The following DCBLD2 variants were observed in gnomAD, a reference collection of about 807,000 sequenced individuals.
The protein encoded by DCBLD2 is discoidin, CUB and LCCL domain containing 2, also known as discoidin, CUB and LCCL domain-containing protein 2.
In DCBLD2, 54 loss-of-function variants were observed where a neutral mutation model predicts 86.8. The ratio of observed to expected loss-of-function variants is 0.62; its 90% CI spans 0.50 to 0.78. The LOEUF is 0.78. Among genes scored for constraint, DCBLD2 ranks in the 30% least tolerant of loss-of-function variants. The pLI is 0.00. For synonymous variants in DCBLD2, 354 were observed against 341.3 expected (o/e 1.04, Z -0.41); for missense variants, 908 against 954.2 (o/e 0.95, Z 0.64).
chr3:98,825,478 A>C, intron 3 of DCBLD2, 112 bp from the exon 4 acceptor site: 3 of 767,264 alleles, frequency 3.9e-6, no homozygotes, highest in Non-Finnish European at 6.2e-6. Flanking sequence ...AAAAATCTCA[A>C]TGGCACTGTC....
At chr3:98,867,418 C>T (rs1943172139) in intron 2 of DCBLD2, among the ~76,000 whole-genome samples, 1 of 152,188 alleles carries the variant, frequency 6.6e-6, no homozygotes, top group Non-Finnish European at 1.5e-5. Flanking sequence ...AGGTCCTTCA[C>T]AGCCCTTGTA....
At chr3:98,808,654 G>A (rs1034483024) in intron 12 of DCBLD2, among the ~76,000 whole-genome samples, 7 of 152,000 alleles carry the variant, frequency 4.6e-5, no homozygotes, top group Non-Finnish European at 1.0e-4. Flanking sequence ...CACAAAAAAA[G>A]TTAAAACAAC....
chr3:98,804,662 C>G (rs1220792884), intron 13 of DCBLD2, among the ~76,000 whole-genome samples: 2 of 152,190 alleles, frequency 1.3e-5, no homozygotes, highest in African/African-American at 4.8e-5. Context: ...AACTTTCCTG[C>G]TTTCTCTTGT....
chr3:98,839,119 T>TTC (rs796822399), intron 3 of DCBLD2, among the ~76,000 whole-genome samples: 2,738 of 83,994 alleles, frequency 0.033, 43 homozygotes, highest in African/African-American at 0.051. Flanking sequence ...CTTTCTTTCT[T>TTC]TTTCTTTCTT....
At chr3:98,800,942 G>C (rs897217145) in intron 14 of DCBLD2, among the ~76,000 whole-genome samples, 1 of 150,320 alleles carries the variant, frequency 6.7e-6, no homozygotes, top group African/African-American at 2.5e-5. Context: ...GCAAATCACT[G>C]TTAGTATAGT....
chr3:98,825,266 A>C lies in DCBLD2; in HGVS notation c.623+49T>G. 4 of 1,341,768 alleles carry C rather than the reference A, an allele frequency of 3.0e-6. No homozygotes were observed. In the South Asian group the frequency reaches 5.8e-5, roughly 20 times the overall value. The allele number at this position is 1,341,768 out of a possible 1,614,324, so 83.1% of individuals were successfully genotyped here. ...AATGAAAATGAAGAAGTGAATGAAA[A>C]GTAACATTTAAGCAAAAAAAAAAAA... is the stretch of plus-strand genomic sequence containing the variant. On this transcript the variant is annotated intron_variant, in intron 4 of 15. Transcript: ENST00000326840.
intron 4 of DCBLD2, among the ~76,000 whole-genome samples, chr3:98,824,133 G>T (rs557696334): frequency 6.6e-6 from 1 of 152,300 alleles, no homozygotes; most frequent in South Asian, 2.1e-4. Flanking sequence ...GGTAATGCAG[G>T]AGCCTTGTGG....
In DCBLD2 at chr3:98,881,561, C is replaced by T; in HGVS notation, c.412G>A (p.Gly138Arg). ...FNYLRIYNGI[G>R]VSRTEIGKYC... Reference sequence around the variant, plus strand: ...CTACCTATTTCAGTTCTGCTGACTCCAATTCCATTATAAATTCTCAAGTAA... The same window carrying T: ...CTACCTATTTCAGTTCTGCTGACTCTAATTCCATTATAAATTCTCAAGTAA... The change falls in exon 2 of 16, where the codon GGA becomes AGA. Residue 138 changes from glycine (G) to arginine (R), a missense_variant. By Grantham distance (125) the Gly-to-Arg change is moderately radical. Around this residue, in one of 3 missense-constraint regions of DCBLD2, gnomAD observed 294 missense variants for 256.0 expected, o/e 1.15. Transcript: ENST00000326840. 1 of 1,613,842 alleles carries T rather than the reference C, an allele frequency of 6.2e-7. No homozygotes were observed. The highest frequency in any genetic ancestry group is 8.5e-7 in the Non-Finnish European group (1 of 1,179,852).
intron 3 of DCBLD2, among the ~76,000 whole-genome samples, chr3:98,831,549 T>G (rs1942323132): frequency 6.6e-6 from 1 of 152,192 alleles, no homozygotes; most frequent in African/African-American, 2.4e-5. Flanking sequence ...GTTGTGATGT[T>G]AGGTTAATTT....
In DCBLD2 at chr3:98,797,291, C is replaced by G. The variant is rs1432973808; in HGVS notation, c.*2081G>C. 5 of 148,816 alleles carry G rather than the reference C, an allele frequency of 3.4e-5. No individual in the cohort carries two copies. Among genetic ancestry groups the G allele is most frequent in the Non-Finnish European group, 6.0e-5 (4 of 67,064 alleles). 9.2% of individuals were successfully genotyped at this position (148,816 alleles called of 1,614,324 possible). On this transcript the variant is annotated 3_prime_UTR_variant, in exon 16 of 16. Transcript: ENST00000326840. ...TGCCCCTCTTAAAAAAAAAAAAACC[C>G]AAAACTAAACAACAACAACAAAAAC...
chr3:98,811,424 T>C (rs763899694), intron 11 of DCBLD2, 44 bp downstream of exon 11: 7 of 1,612,698 alleles, frequency 4.3e-6, no homozygotes, highest in Middle Eastern at 1.7e-4. Context: ...AGTTGCACCA[T>C]AAATCCAAGG....
chr3:98,829,405 T>A (rs568811357), intron 3 of DCBLD2, among the ~76,000 whole-genome samples: 43 of 152,322 alleles, frequency 2.8e-4, no homozygotes, highest in Admixed American at 2.6e-4. Flanking sequence ...CTAGTTAGCA[T>A]CCCACAGTTA....
chr3:98,884,045 T>A (rs1387097294), intron 1 of DCBLD2, among the ~76,000 whole-genome samples: 1 of 152,116 alleles, frequency 6.6e-6, no homozygotes, highest in Non-Finnish European at 1.5e-5. Flanking sequence ...CAAAGCTAAC[T>A]TTAATGATGG....
At chr3:98,835,525 C>T (rs1220082931) in intron 3 of DCBLD2, among the ~76,000 whole-genome samples, 2 of 148,702 alleles carry the variant, frequency 1.3e-5, no homozygotes, top group Admixed American at 6.7e-5. Context: ...TATCCATCCT[C>T]TCACTCCGTA....
intron 2 of DCBLD2, among the ~76,000 whole-genome samples, chr3:98,868,147 C>T (rs978959636): frequency 5.0e-4 from 76 of 152,202 alleles, no homozygotes; most frequent in African/African-American, 1.5e-3. Context: ...TCAAGCAGCC[C>T]CCTGAAGCCT....
chr3:98,821,733 C>T (rs979719809), intron 6 of DCBLD2, among the ~76,000 whole-genome samples: 5 of 152,090 alleles, frequency 3.3e-5, no homozygotes, highest in African/African-American at 7.2e-5. Flanking sequence ...AGTAGTACAA[C>T]ACCACCTGTA....
chr3:98,828,518 A>T (rs1421968806), intron 3 of DCBLD2, among the ~76,000 whole-genome samples: 2 of 152,208 alleles, frequency 1.3e-5, no homozygotes, highest in East Asian at 3.8e-4. Flanking sequence ...ACACCACCAT[A>T]CACTCACTAG....
At chr3:98,891,196 A>T (rs76217832) in intron 1 of DCBLD2, among the ~76,000 whole-genome samples, 108 of 150,754 alleles carry the variant, frequency 7.2e-4, no homozygotes, top group African/African-American at 2.4e-3. Flanking sequence ...GAGAGGGAGA[A>T]GGAGAGAGGG....
Position 98,839,155 on chromosome 3 carries a change from CTT to C in DCBLD2, c.571+10304_571+10305del, listed in dbSNP as rs760056401. On this transcript the variant is annotated intron_variant, in intron 3 of 15. Coordinates refer to ENST00000326840, the MANE Select transcript of DCBLD2 (RefSeq NM_080927.4). Reference sequence around the variant, plus strand: ...TCCTTCCTTCCTTCCTTCTTTCTTTCTTTCTTTCTTTCTTTCCTTTCTTTCTT... The same window carrying C: ...TCCTTCCTTCCTTCCTTCTTTCTTTCTCTTTCTTTCTTTCCTTTCTTTCTT... Among the ~76,000 whole-genome samples, 376 of 89,080 alleles carry C rather than the reference CTT, an allele frequency of 4.2e-3. 1 individual carries two copies. The highest frequency in any genetic ancestry group is 0.017 in the Middle Eastern group (3 of 174). The allele number at this position is 89,080 out of a possible 152,430, so 58.4% of individuals were successfully genotyped here.
Sources: gnomAD v4.1 joint callset for allele counts (sites outside exome capture counted in the v4.1 genomes callset) on GRCh38, gnomAD v4.1.1 for gene constraint, gnomAD v4.1.1 regional missense constraint, MANE v1.5 for transcripts, NCBI Gene and HGNC (gene_info 2026-07-23, HGNC 2026-07-21) for gene names.